Variants in NFKB1 observed in about 807,000 individuals in gnomAD.
NFKB1 encodes nuclear factor NF-kappa-B p105 subunit.
Under a neutral mutation model 105.1 loss-of-function variants are expected in NFKB1, and 9 were observed. The ratio of observed to expected loss-of-function variants is 0.09; its 90% confidence interval spans 0.05 to 0.15. The LOEUF (loss-of-function observed/expected upper bound fraction) is 0.15, where lower values mean the gene tolerates loss of function less well. Ranked by LOEUF, NFKB1 falls within the 10% of genes least tolerant of loss-of-function variation. NFKB1 has a pLI of 1.00. For missense variants in NFKB1, 830 were observed against 1,203.7 expected, an observed-to-expected ratio of 0.69 and a Z score of 4.59; for synonymous variants, 440 against 442.2, an observed-to-expected ratio of 1.00 and a Z score of 0.06.
intron 5 of NFKB1, among the ~76,000 whole-genome samples, 158 bp downstream of exon 5, chr4:102,538,114 C>T (rs1398160790): frequency 6.6e-6 from 1 of 152,174 alleles, no homozygotes; most frequent in Non-Finnish European, 1.5e-5. Context: ...TGTCTCCTAG[C>T]AATAGAAGTG....
In NFKB1 at chr4:102,601,028, A is replaced by G; in HGVS notation, c.1752+19A>G. 7.2e-7 allele frequency: 1 copy of G among 1,394,536 alleles called. No individual in the cohort carries two copies. The highest frequency in any genetic ancestry group is 1.2e-5 in the South Asian group (1 of 81,612). 86.4% of individuals were successfully genotyped at this position (1,394,536 alleles called of 1,614,324 possible). On this transcript the variant is annotated intron_variant, in intron 16 of 23. Transcript: ENST00000226574. ...GTACCAGGTAAGCAGAAATCTCAAG[A>G]AAACAACTGAAGAAAAATCTGTAGT...
At chr4:102,576,381 C>G (rs1448435480) in intron 6 of NFKB1, among the ~76,000 whole-genome samples, 2 of 152,168 alleles carry the variant, frequency 1.3e-5, no homozygotes, top group Non-Finnish European at 2.9e-5. Flanking sequence ...TTTAATACAG[C>G]TCCCATAGAA....
At position 102,529,847 on chromosome 4, in the gene NFKB1, G is replaced by A. The variant is rs1161539912; in HGVS notation, c.51G>A (p.Leu17=). The part of the protein sequence containing the change: ...YLGRPEQMFH[L]DPSLTHTIFN... Reference sequence around the variant, plus strand: ...GTTCTTCTTTACAGATGTTTCATTTGGATCCTTCTTTGACTCATACAATAT... The same window carrying A: ...GTTCTTCTTTACAGATGTTTCATTTAGATCCTTCTTTGACTCATACAATAT... The change falls in exon 3 of 24, where the codon TTG becomes TTA. Residue 17 remains leucine (L), a synonymous_variant. Transcript: ENST00000226574. The A allele has an allele frequency of 1.9e-6, 3 of 1,600,840 alleles. No individual in the cohort carries two copies. Among genetic ancestry groups the A allele is most frequent in the Non-Finnish European group, 2.6e-6 (3 of 1,170,096 alleles).
intron 11 of NFKB1, among the ~76,000 whole-genome samples, chr4:102,586,731 C>T (rs1326262799): frequency 1.3e-5 from 2 of 152,148 alleles, no homozygotes; most frequent in Non-Finnish European, 1.5e-5. Context: ...ATTAGAAACC[C>T]CTCAGTTGGA....
At chr4:102,565,647 C>G (rs992740842) in intron 5 of NFKB1, among the ~76,000 whole-genome samples, 1 of 152,072 alleles carries the variant, frequency 6.6e-6, no homozygotes, top group African/African-American at 2.4e-5. Context: ...AAAGAGTTAT[C>G]TTTAGGTGTG....
intron 1 of NFKB1, among the ~76,000 whole-genome samples, chr4:102,514,158 G>A (rs1739970110): frequency 6.6e-6 from 1 of 151,512 alleles, no homozygotes; most frequent in Non-Finnish European, 1.5e-5. Context: ...CTGGGTGACA[G>A]AGCGAGACTC....
chr4:102,601,953 C>T lies in NFKB1; in HGVS notation c.1752+944C>T, dbSNP rs149356312. 3.8e-3 allele frequency among the ~76,000 whole-genome samples: 574 copies of T among 152,308 alleles called. 5 individuals carry two copies. The highest frequency in any genetic ancestry group is 0.013 in the African/African-American group (560 of 41,562). On this transcript the variant is annotated intron_variant, in intron 16 of 23. Coordinates refer to ENST00000226574, the MANE Select transcript of NFKB1 (RefSeq NM_003998.4). Reference sequence around the variant, plus strand: ...TCTTACCTTTCCATTTGTCTCCTTCCCTTCATCGACCCGAAGCATCTTCCT... The same window carrying T: ...TCTTACCTTTCCATTTGTCTCCTTCTCTTCATCGACCCGAAGCATCTTCCT...
At chr4:102,526,285 T>A (rs1740906505) in intron 2 of NFKB1, among the ~76,000 whole-genome samples, 1 of 152,122 alleles carries the variant, frequency 6.6e-6, no homozygotes, top group Non-Finnish European at 1.5e-5. Context: ...CATATTTATT[T>A]AATGTGTACA....
intron 16 of NFKB1, among the ~76,000 whole-genome samples, chr4:102,604,394 C>T (rs376489296): frequency 6.6e-6 from 1 of 152,054 alleles, no homozygotes; most frequent in Non-Finnish European, 1.5e-5. Flanking sequence ...CCCAGTTTCC[C>T]CCAATGGTAA....
chr4:102,609,611 CAAAA>C (rs34646774), intron 19 of NFKB1, among the ~76,000 whole-genome samples: 5 of 64,248 alleles, frequency 7.8e-5, no homozygotes, highest in Admixed American at 7.4e-4. Context: ...GACTCCATCT[CAAAA>C]AAAAAAAAAA....
At chr4:102,537,217 G>GGTTCC (rs1197931374) in intron 4 of NFKB1, among the ~76,000 whole-genome samples, 1 of 152,108 alleles carries the variant, frequency 6.6e-6, no homozygotes, top group African/African-American at 2.4e-5. Flanking sequence ...TAGTATTTAA[G>GGTTCC]GGAACTACCT....
chr4:102,516,575 A>G (rs1740201731), intron 1 of NFKB1, among the ~76,000 whole-genome samples: 2 of 129,124 alleles, frequency 1.5e-5, no homozygotes, highest in African/African-American at 5.4e-5. Context: ...TAAAATTTCC[A>G]TTCTTTTTTT....
chr4:102,616,198 T>C (rs1383494065), intron 23 of NFKB1, among the ~76,000 whole-genome samples: 1 of 152,210 alleles, frequency 6.6e-6, no homozygotes, highest in East Asian at 1.9e-4. Context: ...AAGACTAGAT[T>C]GCAGGAAGAT....
chr4:102,590,173 C>T (rs3774960), intron 11 of NFKB1, among the ~76,000 whole-genome samples: 62,614 of 151,848 alleles, frequency 0.41, 13,093 homozygotes, highest in Admixed American at 0.48. Flanking sequence ...CACTTATGTC[C>T]GCATTGTCTC....
intron 5 of NFKB1, among the ~76,000 whole-genome samples, chr4:102,551,367 T>TGTGTGTGTGTGTGTGTGTGCGCGCGC (rs370790173): frequency 2.5e-4 from 37 of 150,196 alleles, no homozygotes; most frequent in African/African-American, 3.7e-4. Flanking sequence ...TGTGTGTGTG[T>TGTGTGTGTGTGTGTGTGTGCGCGCGC]GCGCGCGCGC....
intron 5 of NFKB1, among the ~76,000 whole-genome samples, chr4:102,565,059 A>T (rs230493): frequency 0.69 from 104,603 of 151,920 alleles, 36,655 homozygotes; most frequent in African/African-American, 0.81. Context: ...AACTTCTCAT[A>T]CCCCATCCCA....
intron 5 of NFKB1, among the ~76,000 whole-genome samples, chr4:102,554,374 C>G (rs1036503940): frequency 2.6e-5 from 4 of 152,140 alleles, no homozygotes; most frequent in African/African-American, 9.7e-5. Context: ...GTGCCTGACA[C>G]AAATGTATTT....
At chr4:102,543,531 ATGT>A (rs1721884313) in intron 5 of NFKB1, among the ~76,000 whole-genome samples, 1 of 149,266 alleles carries the variant, frequency 6.7e-6, no homozygotes, top group Non-Finnish European at 1.5e-5. Flanking sequence ...TGAGTGTTTT[ATGT>A]TGAGTGGAAG....
At chr4:102,503,477 AC>A (rs1228815973) in intron 1 of NFKB1, 1 of 152,080 alleles carries the variant, frequency 6.6e-6, no homozygotes, top group African/African-American at 2.4e-5. Context: ...ACTCTTTGAG[AC>A]TTTTTAAAGA....
Sources: gnomAD v4.1 joint callset for allele counts (sites outside exome capture counted in the v4.1 genomes callset) on GRCh38, gnomAD v4.1.1 for gene constraint, MANE v1.5 for transcripts, NCBI Gene and HGNC (gene_info 2026-07-23, HGNC 2026-07-21) for gene names.